BOD1L1: variants seen among roughly 807,000 people sequenced by gnomAD.
BOD1L1 encodes biorientation of chromosomes in cell division 1 like 1.
Under a neutral mutation model 240.7 loss-of-function variants are expected in BOD1L1, and 86 were observed. The ratio of observed to expected loss-of-function variants is 0.36; its 90% CI spans 0.30 to 0.43. BOD1L1 has a LOEUF of 0.43. Among genes scored for constraint, BOD1L1 ranks in the 20% least tolerant of loss-of-function variants. BOD1L1 has a pLI of 1.00. For missense variants in BOD1L1, 3,554 were observed against 3,643.5 expected (o/e 0.98, Z 0.63); for synonymous variants, 1,268 against 1,272.3 (o/e 1.00, Z 0.07).
At chr4:13,587,633 C>A in intron 16 of BOD1L1, 66 bp downstream of exon 16, 1 of 1,219,110 alleles carries the variant, frequency 8.2e-7, no homozygotes, top group South Asian at 1.4e-5. Context: ...GTTTTTGGCT[C>A]ACTCTTTTGG....
At chr4:13,580,082 G>T in intron 21 of BOD1L1, 109 bp from the exon 22 acceptor site, 1 of 759,088 alleles carries the variant, frequency 1.3e-6, no homozygotes. Context: ...TATTTACATA[G>T]GCGTATTTGA....
intron 25 of BOD1L1, among the ~76,000 whole-genome samples, chr4:13,575,394 T>G (rs1438618314): frequency 1.3e-5 from 2 of 152,022 alleles, no homozygotes; most frequent in Admixed American, 1.3e-4. Context: ...AAATATATAT[T>G]TTTTCAGAGA....
chr4:13,577,355 G>A, intron 24 of BOD1L1, 48 bp downstream of exon 24: 1 of 1,519,550 alleles, frequency 6.6e-7, no homozygotes, highest in Non-Finnish European at 9.0e-7. Flanking sequence ...TCTTTAAAAA[G>A]GTGGTTTTGA....
chr4:13,572,792 G>A, intron 25 of BOD1L1: 4 of 1,289,760 alleles, frequency 3.1e-6, no homozygotes, highest in Non-Finnish European at 4.0e-6. Context: ...AACTGTGTCT[G>A]GGCTGCCAAG....
Position 13,600,390 on chromosome 4 carries a change from C to G in BOD1L1, c.6510G>C (p.Pro2170=). The change falls in exon 10 of 26, where the codon CCG becomes CCC. Residue 2170 remains proline (P), a synonymous_variant. Transcript: ENST00000040738. ...TTIKCAESLQ[P]VAAAVEERAT... ...CCCTTTCTTCCACTGCTGCAGCAAC[C>G]GGCTGAAGACTTTCAGCACACTTGA... 6.2e-7 allele frequency: 1 copy of G among 1,613,908 alleles called. No individual in the cohort carries two copies. Among genetic ancestry groups the G allele is most frequent in the Non-Finnish European group, 8.5e-7 (1 of 1,179,874 alleles).
chr4:13,597,011 G>A, intron 11 of BOD1L1, 93 bp downstream of exon 11: 1 of 982,234 alleles, frequency 1.0e-6, no homozygotes, highest in East Asian at 2.6e-5. Context: ...ATGAGAACAG[G>A]ACCTATATAC....
At chr4:13,593,245 A>C (rs1003026847) in intron 12 of BOD1L1, 1 of 152,108 alleles carries the variant, frequency 6.6e-6, no homozygotes, top group Admixed American at 6.5e-5. Flanking sequence ...CCCCAATCCA[A>C]TTTTATGAAA....
chr4:13,604,273 C>A lies in BOD1L1; in HGVS notation c.2627G>T (p.Cys876Phe), dbSNP rs750939975. ...RRSESYSEDK[C>F]DMDSTNMDSN... ...ATCCATGTTAGTGGAGTCCATATCA[C>A]ACTTATCTTCCGAATAACTTTCACT... The change falls in exon 10 of 26, where the codon TGT becomes TTT. Residue 876 changes from cysteine to phenylalanine, a missense_variant. This residue lies in a region of BOD1L1 where 3,393 missense variants were observed against 3,427.1 expected (regional missense o/e 0.99). Transcript: ENST00000040738. 6.8e-5 allele frequency: 109 copies of A among 1,608,926 alleles called. No individual in the cohort carries two copies. The highest frequency in any genetic ancestry group is 9.1e-5 in the Non-Finnish European group (107 of 1,178,858).
chr4:13,595,287 A>T (rs1439500622), intron 12 of BOD1L1, among the ~76,000 whole-genome samples: 1 of 152,226 alleles, frequency 6.6e-6, no homozygotes, highest in East Asian at 1.9e-4. Flanking sequence ...GTAATTTTTC[A>T]GTAATTTTTG....
intron 25 of BOD1L1, chr4:13,572,606 A>C (rs1033014408): frequency 8.9e-7 from 1 of 1,122,624 alleles, no homozygotes; most frequent in Non-Finnish European, 1.1e-6. Context: ...TTATTTGGTG[A>C]GACAAAATCT....
Position 13,601,641 on chromosome 4 carries a change from GCGTT to G in BOD1L1, c.5255_5258del (p.Glu1752AlafsTer29). On this transcript the variant is annotated frameshift_variant, in exon 10 of 26. Coordinates refer to ENST00000040738, the MANE Select transcript of BOD1L1 (RefSeq NM_148894.3). LOFTEE classifies it high-confidence loss of function. ...GGACAACACCTGCACCTGTAACCAT[GCGTT>G]CCTCCCGGGGCCCTGCTCCAGTTAC... is the stretch of plus-strand genomic sequence containing the variant. 6.2e-7 allele frequency: 1 copy of G among 1,613,926 alleles called. No homozygotes were observed. The highest frequency in any genetic ancestry group is 8.5e-7 in the Non-Finnish European group (1 of 1,179,882).
chr4:13,592,120 C>T (rs1714266808), intron 12 of BOD1L1, 154 bp from the exon 13 acceptor site: 2 of 577,842 alleles, frequency 3.5e-6, no homozygotes, highest in African/African-American at 3.8e-5. Context: ...CCAGTTATTT[C>T]CCACAATCAA....
rs1286032114 is a variant in BOD1L1, at chr4:13,601,063, A to G, written c.5837T>C (p.Ile1946Thr). The part of the protein sequence containing the change: ...GTEKGSKDTD[I>T]CSSAKGIVES... ...TACAATCCCTTTTGCACTGGAGCAGATATCTGTGTCTTTACTTCCTTTCTC... is the reference window on the plus strand; with the variant it reads ...TACAATCCCTTTTGCACTGGAGCAGGTATCTGTGTCTTTACTTCCTTTCTC... The change falls in exon 10 of 26, where the codon ATC becomes ACC. Residue 1946 changes from isoleucine (I) to threonine (T), a missense_variant. Physicochemically the swap from Ile to Thr is moderately conservative, Grantham distance 89 (BLOSUM62 -1). Coordinates refer to ENST00000040738, the MANE Select transcript of BOD1L1 (RefSeq NM_148894.3). 5 of 1,613,892 alleles carry G rather than the reference A, an allele frequency of 3.1e-6. No individual in the cohort carries two copies. The Admixed American group carries it at 8.3e-5, about 27-fold the overall frequency.
chr4:13,589,951 C>A (rs946241648), intron 14 of BOD1L1, among the ~76,000 whole-genome samples: 3 of 152,206 alleles, frequency 2.0e-5, no homozygotes, highest in Non-Finnish European at 4.4e-5. Flanking sequence ...TGGCAGCCTG[C>A]ACGGGTTGTG....
chr4:13,613,597 G>A lies in BOD1L1; in HGVS notation c.1239C>T (p.Thr413=), dbSNP rs1258334761. The A allele has an allele frequency of 9.3e-6, 15 of 1,611,370 alleles. No individual in the cohort carries two copies. The highest frequency in any genetic ancestry group is 8.9e-5 in the East Asian group (4 of 44,812). The change falls in exon 5 of 26, where the codon ACC becomes ACT. Residue 413 remains threonine (T), a synonymous_variant. Transcript: ENST00000040738. The surrounding 1 kb of genome is among the most constrained non-coding windows in gnomAD (Gnocchi z 4.0). ...CTTCTTCAAAAGATGAAAGGTCACT[G>A]GTATGAACAGAGCTAACTGTGATGT... ...LTDITVSSVH[T]SDLSSFEEDT...
At chr4:13,593,444 G>C (rs1331778229) in intron 12 of BOD1L1, 1 of 151,842 alleles carries the variant, frequency 6.6e-6, no homozygotes, top group Admixed American at 6.6e-5. Flanking sequence ...ACATGATCGA[G>C]TGAAAAAAAA....
chr4:13,586,997 T>A (rs1467022143), intron 16 of BOD1L1, among the ~76,000 whole-genome samples: 3 of 152,242 alleles, frequency 2.0e-5, no homozygotes, highest in Non-Finnish European at 4.4e-5. Flanking sequence ...ATTAAATTGC[T>A]ACCAAATAAT....
At position 13,618,719 on chromosome 4, in the gene BOD1L1, T is replaced by G. The variant is rs2108993212; in HGVS notation, c.368+1224A>C. The stretch of plus-strand genomic sequence containing the variant: ...GTTTCTAGTATTACCTGTGGCTAAA[T>G]AGGTTTGTCTTTTAGTCAGGGTGTG... On this transcript the variant is annotated intron_variant, in intron 2 of 25. Coordinates refer to ENST00000040738, the MANE Select transcript of BOD1L1 (RefSeq NM_148894.3). 1.3e-5 allele frequency among the ~76,000 whole-genome samples: 2 copies of G among 152,310 alleles called. 1 individual carries two copies. The highest frequency in any genetic ancestry group is 3.9e-4 in the East Asian group (2 of 5,188).
chr4:13,627,678 A>G lies in BOD1L1; in HGVS notation c.-91T>C. The G allele has an allele frequency of 1.0e-6, 1 of 1,002,576 alleles. No individual in the cohort carries two copies. The highest frequency in any genetic ancestry group is 1.2e-6 in the Non-Finnish European group (1 of 838,458). 62.1% of individuals were successfully genotyped at this position (1,002,576 alleles called of 1,614,324 possible). A position where few individuals can be genotyped will look rare whatever the true frequency, so the allele number is the denominator to read the frequency against. ...CTGGTCCCGCCGCCTGAGGGAAGCCAACGGGATGTTGTTACGGAACCAGCG... is the reference window on the plus strand; with the variant it reads ...CTGGTCCCGCCGCCTGAGGGAAGCCGACGGGATGTTGTTACGGAACCAGCG... On this transcript the variant is annotated 5_prime_UTR_variant, in exon 1 of 26. Coordinates refer to ENST00000040738, the MANE Select transcript of BOD1L1 (RefSeq NM_148894.3).
Sources: gnomAD v4.1 joint callset for allele counts (sites outside exome capture counted in the v4.1 genomes callset) on GRCh38, gnomAD v4.1.1 for gene constraint, gnomAD v4.1.1 regional missense constraint, Gnocchi (gnomAD v3.1) non-coding constraint, MANE v1.5 for transcripts, NCBI Gene and HGNC (gene_info 2026-07-23, HGNC 2026-07-21) for gene names.